The following REEP3 variants were observed in gnomAD, a reference collection of about 807,000 sequenced individuals.
REEP3 encodes the protein receptor expression-enhancing protein 3.
A neutral mutation model predicts 41.3 loss-of-function variants in REEP3; 20 were observed. The ratio of observed to expected loss-of-function variants is 0.48; its 90% CI spans 0.34 to 0.70. REEP3 has a LOEUF of 0.70. Among genes scored for constraint, REEP3 ranks in the 30% least tolerant of loss-of-function variants. The pLI is 0.01. For synonymous variants in REEP3, 104 were observed against 101.8 expected (o/e 1.02, Z -0.13); for missense variants, 271 against 308.8 (o/e 0.88, Z 0.92).
At chr10:63,538,980 C>G (rs941187366) in intron 1 of REEP3, among the ~76,000 whole-genome samples, 2 of 152,018 alleles carry the variant, frequency 1.3e-5, no homozygotes, top group Non-Finnish European at 2.9e-5. Context: ...AGAACATAAC[C>G]GTGAGACATT....
intron 5 of REEP3, 54 bp downstream of exon 5, chr10:63,599,337 G>A (rs745315362): frequency 1.1e-4 from 80 of 761,150 alleles, no homozygotes; most frequent in Middle Eastern, 9.6e-4. Flanking sequence ...AACAAATAAA[G>A]GTGGCTTCTT....
At chr10:63,553,606 C>T (rs1955649749) in intron 1 of REEP3, among the ~76,000 whole-genome samples, 1 of 152,052 alleles carries the variant, frequency 6.6e-6, no homozygotes, top group Non-Finnish European at 1.5e-5. Flanking sequence ...AATTTTATAT[C>T]TGAGTTCAGT....
rs561050565 is a variant in REEP3, at chr10:63,529,886, C to T, written c.32+8309C>T. Among the ~76,000 whole-genome samples the T allele has an allele frequency of 8.6e-5, 13 of 151,922 alleles. No homozygotes were observed. In the East Asian group the frequency reaches 2.5e-3, roughly 29 times the overall value. On this transcript the variant is annotated intron_variant, in intron 1 of 7. Transcript: ENST00000373758. ...CTCCACCTCCTGGGTTCAAGCAATT[C>T]TCCTACCTCAGCCTCCCGAGTAGCT...
At chr10:63,568,569 C>T (rs1955823856) in intron 2 of REEP3, among the ~76,000 whole-genome samples, 1 of 150,986 alleles carries the variant, frequency 6.6e-6, no homozygotes, top group South Asian at 2.1e-4. Flanking sequence ...GCCCTGCCGA[C>T]TAATACTTTT....
chr10:63,594,368 A>T (rs1018419926), intron 2 of REEP3, among the ~76,000 whole-genome samples: 2 of 152,116 alleles, frequency 1.3e-5, no homozygotes, highest in African/African-American at 2.4e-5. Context: ...ACTTCAGCGT[A>T]CCCTGTCTCT....
chr10:63,602,345 A>G (rs1449871020), intron 5 of REEP3, among the ~76,000 whole-genome samples: 1 of 152,216 alleles, frequency 6.6e-6, no homozygotes, highest in Non-Finnish European at 1.5e-5. Context: ...TCGGCAGCGG[A>G]TGAAGAGGAG....
intron 3 of REEP3, 54 bp from the exon 4 acceptor site, chr10:63,597,970 C>T: frequency 1.3e-6 from 2 of 1,506,862 alleles, no homozygotes; most frequent in Non-Finnish European, 1.8e-6. Flanking sequence ...TTTGTGATTT[C>T]TACAGTGGTT....
intron 4 of REEP3, 24 bp from the exon 5 acceptor site, chr10:63,599,146 A>G: frequency 8.3e-7 from 1 of 1,208,506 alleles, no homozygotes; most frequent in Non-Finnish European, 1.2e-6. Flanking sequence ...AAGTAAAACT[A>G]ACATCTGTGG....
rs572504460 is a variant in REEP3, at chr10:63,603,121, G to A, written c.417+3838G>A. Reference sequence around the variant, plus strand: ...AAGGTCAGGAGATTGAGACCATCCTGGCTAACACAGTGAAACCCCATCTCT... The same window carrying A: ...AAGGTCAGGAGATTGAGACCATCCTAGCTAACACAGTGAAACCCCATCTCT... On this transcript the variant is annotated intron_variant, in intron 5 of 7. Coordinates refer to ENST00000373758, the MANE Select transcript of REEP3 (RefSeq NM_001001330.3). 7.3e-5 allele frequency among the ~76,000 whole-genome samples: 11 copies of A among 151,624 alleles called. No individual in the cohort carries two copies. In the East Asian group the frequency reaches 2.1e-3, roughly 30 times the overall value.
chr10:63,548,552 C>A (rs184562839), intron 1 of REEP3, among the ~76,000 whole-genome samples: 43 of 152,196 alleles, frequency 2.8e-4, no homozygotes, highest in African/African-American at 9.2e-4. Flanking sequence ...AACTCCTATA[C>A]CTCTGTTTTA....
At chr10:63,556,282 A>G (rs1042280143) in intron 1 of REEP3, among the ~76,000 whole-genome samples, 3 of 146,544 alleles carry the variant, frequency 2.0e-5, no homozygotes, top group Admixed American at 6.8e-5. Context: ...TGCCCGACTA[A>G]TTTTTTTTTT....
intron 6 of REEP3, among the ~76,000 whole-genome samples, chr10:63,619,295 A>T (rs914838251): frequency 1.4e-4 from 21 of 152,360 alleles, no homozygotes; most frequent in African/African-American, 5.0e-4. Context: ...GGTTGAATTC[A>T]TGAAGAGGAG....
intron 1 of REEP3, among the ~76,000 whole-genome samples, chr10:63,564,304 A>C (rs1471583105): frequency 6.6e-6 from 1 of 152,190 alleles, no homozygotes; most frequent in Non-Finnish European, 1.5e-5. Context: ...GCACTTGAAA[A>C]AATTTCAAAT....
At chr10:63,597,772 G>A (rs1956129463) in intron 3 of REEP3, among the ~76,000 whole-genome samples, 1 of 152,044 alleles carries the variant, frequency 6.6e-6, no homozygotes, top group Non-Finnish European at 1.5e-5. Flanking sequence ...AATTAGCCAG[G>A]AGTGGTGACG....
chr10:63,620,788 A>T, intron 7 of REEP3, 25 bp from the exon 8 acceptor site: 1 of 1,501,216 alleles, frequency 6.7e-7, no homozygotes, highest in East Asian at 2.3e-5. Flanking sequence ...TCTAATTCTT[A>T]ATAATAAAAC....
chr10:63,543,579 C>T (rs1019605981), intron 1 of REEP3, among the ~76,000 whole-genome samples: 7 of 151,696 alleles, frequency 4.6e-5, no homozygotes, highest in African/African-American at 1.7e-4. Context: ...GTCACATTTT[C>T]ATTTTCTAGT....
intron 2 of REEP3, among the ~76,000 whole-genome samples, chr10:63,588,119 C>T (rs1956024553): frequency 6.6e-6 from 1 of 152,190 alleles, no homozygotes; most frequent in South Asian, 2.1e-4. Context: ...CATGTCCAGC[C>T]TTAACAGCTA....
rs1384261128 is a variant in REEP3, at chr10:63,536,660, A to G, written c.32+15083A>G. Among the ~76,000 whole-genome samples the G allele has an allele frequency of 2.0e-5, 3 of 152,190 alleles. No homozygotes were observed. In the East Asian group the frequency reaches 5.8e-4, roughly 29 times the overall value. On this transcript the variant is annotated intron_variant, in intron 1 of 7. Transcript: ENST00000373758. The stretch of plus-strand genomic sequence containing the variant: ...AAGATAAAAAGAATTCTTTAAAATC[A>G]GTAAGAAAAAAAATTAACCTAAAAA...
At chr10:63,598,677 G>A (rs924520439) in intron 4 of REEP3, among the ~76,000 whole-genome samples, 4 of 149,884 alleles carry the variant, frequency 2.7e-5, no homozygotes, top group Non-Finnish European at 5.9e-5. Flanking sequence ...CCAGCTACTC[G>A]GGAGGCTGAG....
Sources: allele counts gnomAD v4.1 joint callset (sites outside exome capture counted in the v4.1 genomes callset), GRCh38; gene constraint gnomAD v4.1.1; transcripts MANE v1.5; gene names NCBI Gene and HGNC (gene_info 2026-07-23, HGNC 2026-07-21).